WNK3: variants seen among roughly 807,000 people sequenced by gnomAD.
WNK3 encodes the protein WNK lysine deficient protein kinase 3, also known as serine/threonine-protein kinase WNK3.
Under a neutral mutation model 116.7 loss-of-function variants are expected in WNK3, and 18 were observed. The ratio of observed to expected loss-of-function variants is 0.15; its 90% CI spans 0.11 to 0.23. WNK3 has a LOEUF of 0.23. WNK3 is among the 10% of genes least tolerant of loss of function. The probability of loss-of-function intolerance (pLI) is 1.00; values close to 1 mark genes in which losing one functional copy is unlikely to be tolerated. For missense variants in WNK3, 993 were observed against 1,323.8 expected, an observed-to-expected ratio of 0.75 and a Z score of 3.88; for synonymous variants, 404 against 469.4, an observed-to-expected ratio of 0.86 and a Z score of 1.80.
At chrX:54,245,187 T>TGTGTG (rs2068063372) in intron 17 of WNK3, among the ~76,000 whole-genome samples, 2 of 105,262 alleles carry the variant, frequency 1.9e-5, no homozygotes, top group African/African-American at 7.0e-5. Flanking sequence ...TGTGTGTGTG[T>TGTGTG]TCCTTTTTAA....
intron 11 of WNK3, among the ~76,000 whole-genome samples, chrX:54,258,226 C>T (rs910396766): frequency 5.4e-5 from 5 of 93,171 alleles, no homozygotes; most frequent in East Asian, 6.7e-4. Context: ...TGCAGTGAGC[C>T]GAAATCGTGC....
chrX:54,255,083 G>T (rs935675494), intron 12 of WNK3, among the ~76,000 whole-genome samples: 1 of 110,365 alleles, frequency 9.1e-6, no homozygotes, highest in Non-Finnish European at 1.9e-5. Flanking sequence ...GGGTTCAAGC[G>T]ATTCTCCTGT....
chrX:54,281,542 A>G (rs782743454), intron 10 of WNK3, among the ~76,000 whole-genome samples: 2 of 111,657 alleles, frequency 1.8e-5, no homozygotes, highest in African/African-American at 3.2e-5. Flanking sequence ...TATTCATCTT[A>G]TAAGTAAAAG....
At chrX:54,256,229 A>G (rs905172229) in intron 11 of WNK3, among the ~76,000 whole-genome samples, 4 of 111,797 alleles carry the variant, frequency 3.6e-5, no homozygotes, top group Non-Finnish European at 7.5e-5. Flanking sequence ...GGAGCCTTTT[A>G]TTATAGGGTG....
At chrX:54,222,713 C>T (rs1300951144) in intron 22 of WNK3, among the ~76,000 whole-genome samples, 1 of 107,078 alleles carries the variant, frequency 9.3e-6, no homozygotes, top group Non-Finnish European at 1.9e-5. Flanking sequence ...CTCGTCTCTA[C>T]TAAAAATACA....
At chrX:54,297,162 T>C (rs2068706939) in intron 7 of WNK3, among the ~76,000 whole-genome samples, 1 of 111,634 alleles carries the variant, frequency 9.0e-6, no homozygotes, top group Non-Finnish European at 1.9e-5. Flanking sequence ...CTTCACCTAA[T>C]TGTACCAATA....
At chrX:54,311,098 G>A (rs978547123) in intron 3 of WNK3, 21 bp downstream of exon 3, 14 of 1,063,963 alleles carry the variant, frequency 1.3e-5, no homozygotes, top group Non-Finnish European at 1.5e-5. Flanking sequence ...AACTACATTG[G>A]CACTATCAGG....
intron 13 of WNK3, among the ~76,000 whole-genome samples, chrX:54,252,983 C>G (rs2146944376): frequency 9.1e-6 from 1 of 109,600 alleles, no homozygotes; most frequent in Non-Finnish European, 1.9e-5. Flanking sequence ...GAAATACTAA[C>G]TTAAACCTAA....
intron 2 of WNK3, among the ~76,000 whole-genome samples, chrX:54,315,350 T>G (rs1280840476): frequency 1.8e-5 from 2 of 109,314 alleles, no homozygotes; most frequent in Non-Finnish European, 3.8e-5. Flanking sequence ...ACTGTCCACT[T>G]CTATATGATT....
At chrX:54,324,037 G>A (rs1488818101) in intron 2 of WNK3, among the ~76,000 whole-genome samples, 2 of 111,738 alleles carry the variant, frequency 1.8e-5, no homozygotes, top group African/African-American at 6.5e-5. Context: ...GTATCAGGAG[G>A]GCTGCATTCC....
intron 17 of WNK3, among the ~76,000 whole-genome samples, chrX:54,245,148 G>A (rs2068062541): frequency 2.8e-5 from 2 of 71,017 alleles, no homozygotes; most frequent in South Asian, 1.3e-3. Flanking sequence ...ATATATGCGT[G>A]TGTGTGTGTG....
chrX:54,227,876 C>T, intron 22 of WNK3, among the ~76,000 whole-genome samples: 2 of 112,065 alleles, frequency 1.8e-5, no homozygotes, highest in Middle Eastern at 9.3e-3. Context: ...GTAGGCAAAT[C>T]TTATTTTATT....
At chrX:54,206,131 A>C (rs1384211730) in intron 22 of WNK3, among the ~76,000 whole-genome samples, 1 of 111,240 alleles carries the variant, frequency 9.0e-6, no homozygotes, top group Admixed American at 9.7e-5. Flanking sequence ...AGGCATGGTG[A>C]CTCCCATCTG....
At chrX:54,262,944 AAAAAG>A (rs1569537050) in intron 10 of WNK3, among the ~76,000 whole-genome samples, 1 of 7,256 alleles carries the variant, frequency 1.4e-4, no homozygotes, top group African/African-American at 1.8e-3. Context: ...AAAAAAAAAA[AAAAAG>A]AAAAGAAAAG....
At chrX:54,282,244 T>C (rs375967497) in intron 10 of WNK3, among the ~76,000 whole-genome samples, 5 of 109,884 alleles carry the variant, frequency 4.6e-5, no homozygotes, top group African/African-American at 1.7e-4. Flanking sequence ...GAGGTCTCAC[T>C]ATGTTGCCCA....
intron 11 of WNK3, among the ~76,000 whole-genome samples, chrX:54,256,894 A>G: frequency 8.9e-6 from 1 of 112,555 alleles, no homozygotes; most frequent in African/African-American, 3.2e-5. Flanking sequence ...AATGGGCTAT[A>G]TCATTCACAT....
chrX:54,294,514 T>A (rs782634190), intron 8 of WNK3, 39 bp downstream of exon 8: 1 of 1,032,574 alleles, frequency 9.7e-7, no homozygotes, highest in African/African-American at 1.9e-5. Flanking sequence ...AGAATATAAT[T>A]GCACATGCGT....
chrX:54,248,424 C>G (rs782161332), intron 17 of WNK3, among the ~76,000 whole-genome samples: 1 of 110,877 alleles, frequency 9.0e-6, no homozygotes, highest in African/African-American at 3.3e-5. Context: ...ATCCATGAGT[C>G]AGTTTTCATT....
chrX:54,220,999 A>G (rs2067755019), intron 22 of WNK3, among the ~76,000 whole-genome samples: 1 of 111,966 alleles, frequency 8.9e-6, no homozygotes, highest in Non-Finnish European at 1.9e-5. Flanking sequence ...CAAACAAAAC[A>G]CAGGCATACT....
Sources: gnomAD v4.1 joint callset for allele counts (sites outside exome capture counted in the v4.1 genomes callset) on GRCh38, gnomAD v4.1.1 for gene constraint, MANE v1.5 for transcripts, NCBI Gene and HGNC (gene_info 2026-07-23, HGNC 2026-07-21) for gene names.